Variants in MCPH1 observed in about 807,000 individuals in gnomAD.
MCPH1 encodes the protein microcephalin.
A neutral mutation model predicts 84.5 loss-of-function variants in MCPH1; 104 were observed. The observed-to-expected ratio is 1.23, with a 90% CI of 1.05 to 1.45. The LOEUF is 1.45. Among genes scored for constraint, MCPH1 ranks in the 40% most tolerant of loss-of-function variants. The probability of loss-of-function intolerance (pLI) is 0.00; values close to 1 mark genes in which losing one functional copy is unlikely to be tolerated. For synonymous variants in MCPH1, 514 were observed against 366.8 expected (o/e 1.40, Z -4.58); for missense variants, 1,498 against 1,005.7 (o/e 1.49, Z -6.62).
intron 12 of MCPH1, among the ~76,000 whole-genome samples, chr8:6,608,991 C>T (rs77739867): frequency 0.011 from 1,663 of 152,274 alleles, 14 homozygotes; most frequent in Non-Finnish European, 0.018. Flanking sequence ...GCATGAAGAC[C>T]CACAGAATAC....
At chr8:6,540,351 C>A (rs1028826784) in intron 12 of MCPH1, among the ~76,000 whole-genome samples, 2 of 152,166 alleles carry the variant, frequency 1.3e-5, no homozygotes, top group Non-Finnish European at 2.9e-5. Flanking sequence ...TCATCAATAG[C>A]AGGCATTTTA....
At chr8:6,534,069 A>G (rs1329396615) in intron 12 of MCPH1, among the ~76,000 whole-genome samples, 1 of 152,090 alleles carries the variant, frequency 6.6e-6, no homozygotes, top group Non-Finnish European at 1.5e-5. Flanking sequence ...CAGCCTGGTC[A>G]CTAAGGCTGC....
At chr8:6,575,105 T>C (rs997803779) in intron 12 of MCPH1, among the ~76,000 whole-genome samples, 1 of 152,154 alleles carries the variant, frequency 6.6e-6, no homozygotes, top group Admixed American at 6.5e-5. Context: ...TCAGTTTAAA[T>C]TGGCTATGAG....
intron 12 of MCPH1, among the ~76,000 whole-genome samples, chr8:6,510,786 G>A (rs1401828971): frequency 6.6e-6 from 1 of 152,200 alleles, no homozygotes; most frequent in East Asian, 1.9e-4. Flanking sequence ...CATGTGATGT[G>A]GAGTTCTGTA....
At chr8:6,514,890 C>T in intron 12 of MCPH1, 1 of 842,320 alleles carries the variant, frequency 1.2e-6, no homozygotes, top group Non-Finnish European at 1.9e-6. Flanking sequence ...AGAGGGTTCT[C>T]TGGGATATAA....
intron 10 of MCPH1, among the ~76,000 whole-genome samples, chr8:6,478,429 T>C (rs1020855860): frequency 3.3e-5 from 5 of 152,244 alleles, no homozygotes; most frequent in South Asian, 4.1e-4. Flanking sequence ...TGAATATATG[T>C]GTAATATTTT....
chr8:6,589,169 C>T (rs992650798), intron 12 of MCPH1, among the ~76,000 whole-genome samples: 1 of 152,146 alleles, frequency 6.6e-6, no homozygotes, highest in African/African-American at 2.4e-5. Flanking sequence ...GATAGATGGT[C>T]AGGAAATGTA....
chr8:6,424,593 A>T (rs555054760), intron 3 of MCPH1, among the ~76,000 whole-genome samples: 12 of 152,310 alleles, frequency 7.9e-5, no homozygotes, highest in African/African-American at 2.9e-4. Context: ...GTTTAAGGTC[A>T]CTGACCAGTG....
chr8:6,518,140 A>C (rs1308800342), intron 12 of MCPH1, among the ~76,000 whole-genome samples: 2 of 152,174 alleles, frequency 1.3e-5, no homozygotes, highest in African/African-American at 4.8e-5. Flanking sequence ...TGAGAAACAT[A>C]GATGAAACAA....
intron 3 of MCPH1, among the ~76,000 whole-genome samples, chr8:6,424,181 G>A (rs998917147): frequency 5.9e-5 from 9 of 152,210 alleles, no homozygotes; most frequent in Admixed American, 5.2e-4. Flanking sequence ...TCCTTTGGAT[G>A]TAGAAATTTT....
chr8:6,484,099 T>C (rs1809566125), intron 11 of MCPH1, among the ~76,000 whole-genome samples: 1 of 152,184 alleles, frequency 6.6e-6, no homozygotes, highest in Admixed American at 6.5e-5. Context: ...AATTGAAAGC[T>C]TTTACTCTGT....
In MCPH1 at chr8:6,595,051, G is replaced by C. The variant is rs568744690; in HGVS notation, c.2215-26403G>C. On this transcript the variant is annotated intron_variant, in intron 12 of 13. Transcript: ENST00000344683. ...TGTCAAAGACAGGCAACTTGAGGTT[G>C]AGTCTGTTGCTAACTAACTTACTGA... Among the ~76,000 whole-genome samples, 8 of 152,326 alleles carry C rather than the reference G, an allele frequency of 5.3e-5. No homozygotes were observed. In the South Asian group the frequency reaches 1.7e-3, roughly 32 times the overall value.
chr8:6,496,471 G>A (rs930212323), intron 11 of MCPH1, among the ~76,000 whole-genome samples: 2 of 152,224 alleles, frequency 1.3e-5, no homozygotes, highest in Admixed American at 6.5e-5. Context: ...ACACGATGTG[G>A]AGTCTTTTGT....
chr8:6,444,360 T>G (rs1462041027), intron 7 of MCPH1, 33 bp from the exon 8 acceptor site: 1 of 1,613,468 alleles, frequency 6.2e-7, no homozygotes, highest in African/African-American at 1.3e-5. Context: ...TTAAACCACT[T>G]TTAAAAGTTA....
chr8:6,570,365 C>G (rs1319401464), intron 12 of MCPH1, among the ~76,000 whole-genome samples: 1 of 152,140 alleles, frequency 6.6e-6, no homozygotes, highest in African/African-American at 2.4e-5. Context: ...ACAAGGTGAG[C>G]AAATGTATAT....
intron 12 of MCPH1, among the ~76,000 whole-genome samples, chr8:6,533,037 G>A (rs906648699): frequency 6.6e-6 from 1 of 152,236 alleles, no homozygotes; most frequent in African/African-American, 2.4e-5. Context: ...TCCACATTCT[G>A]TGGGGTCTTC....
intron 11 of MCPH1, among the ~76,000 whole-genome samples, chr8:6,491,085 A>C (rs934090964): frequency 2.0e-5 from 3 of 150,888 alleles, no homozygotes; most frequent in Non-Finnish European, 4.4e-5. Context: ...TTACTTTTGA[A>C]GCATTGGTTT....
intron 12 of MCPH1, among the ~76,000 whole-genome samples, chr8:6,514,236 C>A (rs1303236173): frequency 3.9e-5 from 6 of 152,188 alleles, no homozygotes; most frequent in African/African-American, 1.4e-4. Context: ...GTTGCCCAGG[C>A]TGGAGTGCAG....
intron 11 of MCPH1, among the ~76,000 whole-genome samples, chr8:6,488,149 G>C (rs1407053078): frequency 6.6e-6 from 1 of 152,232 alleles, no homozygotes; most frequent in Non-Finnish European, 1.5e-5. Context: ...GCTCCTGCAG[G>C]CTGCGGCAGC....
Sources: allele counts gnomAD v4.1 joint callset (sites outside exome capture counted in the v4.1 genomes callset), GRCh38; gene constraint gnomAD v4.1.1; transcripts MANE v1.5; gene names NCBI Gene and HGNC (gene_info 2026-07-23, HGNC 2026-07-21).